The following PHACTR3 variants were observed in gnomAD, a reference collection of about 807,000 sequenced individuals.
PHACTR3 encodes the protein phosphatase and actin regulator 3.
A neutral mutation model predicts 66.8 loss-of-function variants in PHACTR3; 16 were observed. The ratio of observed to expected loss-of-function variants is 0.24; its 90% CI spans 0.16 to 0.36. PHACTR3 has a LOEUF of 0.36. Among genes scored for constraint, PHACTR3 ranks in the 10% least tolerant of loss-of-function variants. The pLI is 1.00. For synonymous variants in PHACTR3, 323 were observed against 292.1 expected (o/e 1.11, Z -1.08); for missense variants, 647 against 719.9 (o/e 0.90, Z 1.16).
chr20:59,670,610 G>GC (rs201184258), intron 1 of PHACTR3, among the ~76,000 whole-genome samples: 2 of 137,148 alleles, frequency 1.5e-5, no homozygotes, highest in East Asian at 2.4e-4. Flanking sequence ...GGGGGTGGGG[G>GC]GGGGGGGCAG....
At chr20:59,664,154 C>A (rs2035910812) in intron 1 of PHACTR3, among the ~76,000 whole-genome samples, 1 of 152,092 alleles carries the variant, frequency 6.6e-6, no homozygotes, top group Non-Finnish European at 1.5e-5. Context: ...AAGTAATTAA[C>A]AAATGGATAA....
At chr20:59,744,893 A>G (rs1157269720) in intron 2 of PHACTR3, among the ~76,000 whole-genome samples, 1 of 152,054 alleles carries the variant, frequency 6.6e-6, no homozygotes, top group Non-Finnish European at 1.5e-5. Context: ...TCGATTGCAG[A>G]CTCCGGCGAG....
chr20:59,745,681 G>A (rs2039340372), intron 2 of PHACTR3, among the ~76,000 whole-genome samples: 1 of 152,206 alleles, frequency 6.6e-6, no homozygotes, highest in African/African-American at 2.4e-5. Context: ...AGTGGTTTTG[G>A]TAGGCGAGGC....
chr20:59,664,809 C>T (rs1054472244), intron 1 of PHACTR3, among the ~76,000 whole-genome samples: 2 of 152,170 alleles, frequency 1.3e-5, no homozygotes, highest in Admixed American at 6.5e-5. Flanking sequence ...TGCCAGATGC[C>T]GCCTTTCACA....
At chr20:59,742,975 C>A (rs2146767638) in intron 1 of PHACTR3, 132 bp from the exon 2 acceptor site, 1 of 1,051,530 alleles carries the variant, frequency 9.5e-7, no homozygotes, top group Non-Finnish European at 1.4e-6. Flanking sequence ...CACTGCTGGA[C>A]AACCATCCTG....
At chr20:59,776,737 C>T (rs1324175487) in intron 7 of PHACTR3, among the ~76,000 whole-genome samples, 2 of 76,682 alleles carry the variant, frequency 2.6e-5, no homozygotes, top group African/African-American at 7.0e-5. Flanking sequence ...GACCTCAAAA[C>T]CCTCTGTGGC....
At chr20:59,679,348 C>T (rs2036565012) in intron 1 of PHACTR3, among the ~76,000 whole-genome samples, 1 of 152,100 alleles carries the variant, frequency 6.6e-6, no homozygotes, top group Non-Finnish European at 1.5e-5. Flanking sequence ...AAATGAAGTG[C>T]GTGTACATGC....
intron 1 of PHACTR3, among the ~76,000 whole-genome samples, chr20:59,588,830 AG>A (rs545286780): frequency 1.3e-3 from 195 of 152,346 alleles, no homozygotes; most frequent in African/African-American, 4.4e-3. Context: ...AATATAAAGC[AG>A]GGCCTGTGTC....
intron 4 of PHACTR3, among the ~76,000 whole-genome samples, chr20:59,766,258 C>T (rs1044716136): frequency 6.6e-6 from 1 of 152,158 alleles, no homozygotes; most frequent in African/African-American, 2.4e-5. Context: ...GGCCACGGGT[C>T]CTGCAGAGTG....
intron 7 of PHACTR3, among the ~76,000 whole-genome samples, chr20:59,794,705 C>G (rs1018759029): frequency 6.6e-6 from 1 of 152,146 alleles, no homozygotes; most frequent in Non-Finnish European, 1.5e-5. Context: ...AGTACTGACT[C>G]AATCTCCTTA....
intron 1 of PHACTR3, among the ~76,000 whole-genome samples, chr20:59,653,947 C>T (rs1426652765): frequency 1.3e-5 from 2 of 152,160 alleles, no homozygotes; most frequent in Non-Finnish European, 2.9e-5. Context: ...AAGCAGAGTT[C>T]CTTGGAGAAG....
At chr20:59,720,224 G>T (rs187112744) in intron 1 of PHACTR3, among the ~76,000 whole-genome samples, 4 of 152,260 alleles carry the variant, frequency 2.6e-5, no homozygotes, top group Admixed American at 2.6e-4. Flanking sequence ...TCTTTGGGTG[G>T]GCTTGTACAA....
intron 1 of PHACTR3, among the ~76,000 whole-genome samples, chr20:59,598,405 G>A (rs1194649026): frequency 1.3e-5 from 2 of 152,150 alleles, no homozygotes; most frequent in East Asian, 1.9e-4. Flanking sequence ...GGCTCAGCGG[G>A]GCCACACAGT....
intron 1 of PHACTR3, among the ~76,000 whole-genome samples, chr20:59,671,119 T>C (rs998511864): frequency 3.3e-5 from 5 of 152,190 alleles, no homozygotes; most frequent in African/African-American, 9.7e-5. Context: ...GAGCTTTTTT[T>C]TCTTCATTTA....
intron 7 of PHACTR3, among the ~76,000 whole-genome samples, chr20:59,786,614 T>G (rs1348184904): frequency 6.6e-5 from 10 of 152,212 alleles, no homozygotes; most frequent in Admixed American, 2.6e-4. Context: ...TGGAGGGCCC[T>G]CTGTGCAGTT....
At chr20:59,763,355 A>G (rs1051034455) in intron 4 of PHACTR3, among the ~76,000 whole-genome samples, 1 of 152,240 alleles carries the variant, frequency 6.6e-6, no homozygotes, top group Non-Finnish European at 1.5e-5. Context: ...AGTCTTGGGC[A>G]GTTATTTTTA....
intron 1 of PHACTR3, among the ~76,000 whole-genome samples, chr20:59,692,817 A>C (rs1396925916): frequency 6.6e-6 from 1 of 152,246 alleles, no homozygotes; most frequent in Non-Finnish European, 1.5e-5. Context: ...TCACCTTTTA[A>C]CTAGAATAAT....
At chr20:59,657,931 C>T (rs2035676463) in intron 1 of PHACTR3, among the ~76,000 whole-genome samples, 1 of 152,050 alleles carries the variant, frequency 6.6e-6, no homozygotes, top group Non-Finnish European at 1.5e-5. Flanking sequence ...TTCTGGTACT[C>T]CCATTATACA....
At chr20:59,652,424 G>T (rs941421599) in intron 1 of PHACTR3, among the ~76,000 whole-genome samples, 5 of 152,144 alleles carry the variant, frequency 3.3e-5, no homozygotes, top group African/African-American at 1.2e-4. Flanking sequence ...GCACACACTT[G>T]TCTGTAGTGC....
Sources: gnomAD v4.1 joint callset for allele counts (sites outside exome capture counted in the v4.1 genomes callset) on GRCh38, gnomAD v4.1.1 for gene constraint, MANE v1.5 for transcripts, NCBI Gene and HGNC (gene_info 2026-07-23, HGNC 2026-07-21) for gene names.